KAZN: variants seen among roughly 807,000 people sequenced by gnomAD.
KAZN encodes the protein kazrin, periplakin interacting protein.
Under a neutral mutation model 87.4 loss-of-function variants are expected in KAZN, and 40 were observed. That is an observed-to-expected ratio of 0.46 (90% confidence interval 0.36 to 0.60). The LOEUF (loss-of-function observed/expected upper bound fraction) is 0.60, where lower values mean the gene tolerates loss of function less well. KAZN is among the 20% of genes least tolerant of loss of function. The pLI is 0.00. For missense variants in KAZN, 898 were observed against 1,073.9 expected (o/e 0.84, Z 2.29); for synonymous variants, 466 against 458.3 (o/e 1.02, Z -0.22).
At chr1:14,759,463 T>C (rs968135681) in intron 1 of KAZN, among the ~76,000 whole-genome samples, 1 of 152,232 alleles carries the variant, frequency 6.6e-6, no homozygotes, top group Non-Finnish European at 1.5e-5. Context: ...GCTATATTTG[T>C]GCAAATTTTG....
chr1:15,053,017 C>T (rs2100456123), intron 4 of KAZN, among the ~76,000 whole-genome samples: 1 of 152,326 alleles, frequency 6.6e-6, no homozygotes, highest in African/African-American at 2.4e-5. Flanking sequence ...CTGGCTTGTA[C>T]AATCCTGTGC....
At chr1:14,365,061 TGTGACG>T (rs971569029) in intron 2 of KAZN, among the ~76,000 whole-genome samples, 4 of 151,604 alleles carry the variant, frequency 2.6e-5, no homozygotes, top group Non-Finnish European at 4.4e-5. Context: ...TTTTTTTTTT[TGTGACG>T]GAGTCTCACT....
intron 1 of KAZN, among the ~76,000 whole-genome samples, chr1:14,691,774 A>G (rs1199688610): frequency 6.6e-6 from 1 of 152,192 alleles, no homozygotes; most frequent in African/African-American, 2.4e-5. Flanking sequence ...GACGTAATCC[A>G]AACAACCTCG....
At chr1:13,992,852 C>T (rs538864159) in intron 1 of KAZN, among the ~76,000 whole-genome samples, 37 of 152,204 alleles carry the variant, frequency 2.4e-4, no homozygotes, top group Non-Finnish European at 4.9e-4. Flanking sequence ...CAGAATTGGC[C>T]AAATGTGGTT....
intron 1 of KAZN, among the ~76,000 whole-genome samples, chr1:13,929,459 C>T (rs1415846218): frequency 1.3e-5 from 2 of 152,176 alleles, no homozygotes; most frequent in Admixed American, 6.5e-5. Flanking sequence ...CACTGCAGCT[C>T]AGAAGCCTGC....
Position 15,094,353 on chromosome 1 carries a change from A to T in KAZN, c.1396A>T (p.Lys466Ter). 1 of 1,613,760 alleles carries T rather than the reference A, an allele frequency of 6.2e-7. No homozygotes were observed. Among genetic ancestry groups the T allele is most frequent in the East Asian group, 2.2e-5 (1 of 44,864 alleles). ...EVVMAMPMYVKACTENVKSGK... is the reference protein window; with the variant it reads ...EVVMAMPMYV ...GGTGATGGCCATGCCTATGTACGTCAAGGCCTGCACGGAGAACGTGAAGAG... is the reference window on the plus strand; with the variant it reads ...GGTGATGGCCATGCCTATGTACGTCTAGGCCTGCACGGAGAACGTGAAGAG... Residue 466 changes from lysine (K) to a stop codon, truncating the protein, a stop_gained, in exon 9 of 15, where the codon AAG becomes TAG. Transcript: ENST00000376030. LOFTEE classifies it high-confidence loss of function. The surrounding 1 kb of genome is among the most constrained non-coding windows in gnomAD (Gnocchi z 4.5).
chr1:14,170,517 A>G (rs1645930925), intron 1 of KAZN, among the ~76,000 whole-genome samples: 1 of 152,212 alleles, frequency 6.6e-6, no homozygotes, highest in Admixed American at 6.5e-5. Flanking sequence ...TCAACTTAAA[A>G]AAAATTGCGG....
intron 8 of KAZN, among the ~76,000 whole-genome samples, chr1:15,079,090 C>T (rs1639885573): frequency 6.6e-6 from 1 of 152,134 alleles, no homozygotes; most frequent in African/African-American, 2.4e-5. Flanking sequence ...AAGACAGCAC[C>T]TCCAATCACC....
At chr1:14,143,716 CT>C (rs563120426) in intron 1 of KAZN, among the ~76,000 whole-genome samples, 5 of 149,082 alleles carry the variant, frequency 3.4e-5, no homozygotes, top group South Asian at 2.1e-4. Flanking sequence ...GTTTGCTCTG[CT>C]TTTTTTTTTC....
intron 14 of KAZN, chr1:15,113,073 T>C (rs1402338726): frequency 1.3e-5 from 2 of 153,878 alleles, no homozygotes; most frequent in African/African-American, 4.8e-5. Context: ...CTGACACAGA[T>C]TCCTCAATGG....
intron 1 of KAZN, among the ~76,000 whole-genome samples, chr1:13,902,204 G>A (rs981694489): frequency 7.2e-5 from 11 of 152,238 alleles, no homozygotes; most frequent in African/African-American, 2.7e-4. Context: ...ATTTGTGGGA[G>A]AATAACTTGG....
chr1:15,015,297 C>T lies in KAZN; in HGVS notation c.419-19452C>T, dbSNP rs1205876168. Among the ~76,000 whole-genome samples the T allele has an allele frequency of 5.9e-5, 9 of 151,972 alleles. No homozygotes were observed. The South Asian group carries it at 6.2e-4, about 11-fold the overall frequency. On this transcript the variant is annotated intron_variant, in intron 2 of 14. Coordinates refer to ENST00000376030, the MANE Select transcript of KAZN (RefSeq NM_201628.3). ...CCTCCTGGGTAGCTGGGATTACAGG[C>T]GCCCGCCACCACACCCAGCTAATTT...
intron 1 of KAZN, among the ~76,000 whole-genome samples, chr1:14,076,428 C>A (rs1643464786): frequency 6.6e-6 from 1 of 152,118 alleles, no homozygotes; most frequent in African/African-American, 2.4e-5. Flanking sequence ...GGGGGAGAGG[C>A]AAGGAACAGA....
rs1169528427 is a variant in KAZN at position 14,834,876 on chromosome 1, T to A, written c.227-125808T>A. On this transcript the variant is annotated intron_variant, in intron 1 of 14. Coordinates refer to ENST00000376030, the MANE Select transcript of KAZN (RefSeq NM_201628.3). Reference sequence around the variant, plus strand: ...TAGTGGCTATTGTTATAACACTGAGTCTGGATTCAGTAGATTTAAAGTGCT... The same window carrying A: ...TAGTGGCTATTGTTATAACACTGAGACTGGATTCAGTAGATTTAAAGTGCT... Among the ~76,000 whole-genome samples, 4 of 152,142 alleles carry A rather than the reference T, an allele frequency of 2.6e-5. No individual in the cohort carries two copies. In the South Asian group the frequency reaches 6.2e-4, roughly 24 times the overall value.
chr1:14,577,650 G>A (rs1010725995), intron 2 of KAZN, among the ~76,000 whole-genome samples: 1 of 152,202 alleles, frequency 6.6e-6, no homozygotes, highest in East Asian at 1.9e-4. Context: ...TTTGAACAAA[G>A]CTGGTTATAG....
intron 2 of KAZN, among the ~76,000 whole-genome samples, chr1:15,018,747 G>A (rs767545916): frequency 1.3e-5 from 2 of 152,120 alleles, no homozygotes; most frequent in Non-Finnish European, 2.9e-5. Context: ...CACGGTGTCT[G>A]GTTGATGCTG....
intron 10 of KAZN, among the ~76,000 whole-genome samples, chr1:15,101,120 G>A (rs937211679): frequency 8.8e-5 from 13 of 147,344 alleles, no homozygotes; most frequent in South Asian, 2.2e-4. Flanking sequence ...GTTCCCTTCC[G>A]TTTGTTTCTC....
intron 2 of KAZN, among the ~76,000 whole-genome samples, chr1:14,224,107 G>A (rs976673666): frequency 1.3e-5 from 2 of 152,116 alleles, no homozygotes; most frequent in Non-Finnish European, 2.9e-5. Flanking sequence ...AACTTCAGGG[G>A]TGAACAACTG....
chr1:14,069,784 T>A (rs1366049614), intron 1 of KAZN, among the ~76,000 whole-genome samples: 3 of 152,188 alleles, frequency 2.0e-5, no homozygotes, highest in Non-Finnish European at 2.9e-5. Flanking sequence ...GGATGTTTAT[T>A]CCTTATTAGC....
Sources: gnomAD v4.1 joint callset for allele counts (sites outside exome capture counted in the v4.1 genomes callset) on GRCh38, gnomAD v4.1.1 for gene constraint, Gnocchi (gnomAD v3.1) non-coding constraint, MANE v1.5 for transcripts, NCBI Gene and HGNC (gene_info 2026-07-23, HGNC 2026-07-21) for gene names.